SLC5A9: variants seen among roughly 807,000 people sequenced by gnomAD.
The protein encoded by SLC5A9 is solute carrier family 5 member 9, also known as sodium/glucose cotransporter 4.
Under a neutral mutation model 70.9 loss-of-function variants are expected in SLC5A9, and 59 were observed. The ratio of observed to expected loss-of-function variants is 0.83; its 90% CI spans 0.68 to 1.03. SLC5A9 has a LOEUF of 1.03. Among genes scored for constraint, SLC5A9 ranks in the 50% least tolerant of loss-of-function variants. SLC5A9 has a pLI of 0.00. For missense variants in SLC5A9, 832 were observed against 881.1 expected, an observed-to-expected ratio of 0.94 and a Z score of 0.71; for synonymous variants, 340 against 346.5, an observed-to-expected ratio of 0.98 and a Z score of 0.21.
chr1:48,237,567 T>G, intron 10 of SLC5A9, 112 bp from the exon 11 acceptor site: 1 of 1,023,970 alleles, frequency 9.8e-7, no homozygotes. Flanking sequence ...TCTGATCTAG[T>G]GATTGTACAT....
chr1:48,232,144 C>T lies in SLC5A9; in HGVS notation c.890C>T (p.Thr297Ile). 2 of 1,610,926 alleles carry T rather than the reference C, an allele frequency of 1.2e-6. No homozygotes were observed. Among genetic ancestry groups the T allele is most frequent in the Non-Finnish European group, 1.7e-6 (2 of 1,177,860 alleles). The change falls in exon 7 of 14, where the codon ACA (threonine) becomes ATA (isoleucine). Residue 297 changes from threonine to isoleucine, a missense_variant. Physicochemically the swap from Thr to Ile is moderately conservative, Grantham distance 89. Coordinates refer to ENST00000438567, the MANE Select transcript of SLC5A9 (RefSeq NM_001011547.3). ...LTVLATWCWC[T>I]DQVIVQRSLS... ...GTGCTGGCCACCTGGTGTTGGTGCA[C>T]AGACCAGGTAATCCCCCAGCCAGGC...
At chr1:48,235,707 C>T (rs373291957) in intron 9 of SLC5A9, 22 bp from the exon 10 acceptor site, 89 of 1,613,884 alleles carry the variant, frequency 5.5e-5, no homozygotes, top group African/African-American at 2.7e-5. Context: ...CAGCCGTTCA[C>T]ATGAGCCTCG....
At chr1:48,231,690 A>G in intron 6 of SLC5A9, 65 bp downstream of exon 6, 1 of 1,585,272 alleles carries the variant, frequency 6.3e-7, no homozygotes, top group Middle Eastern at 1.7e-4. Flanking sequence ...TGTCTCTGCC[A>G]CCTCCACAGT....
intron 12 of SLC5A9, 198 bp from the exon 13 acceptor site, chr1:48,242,259 T>C (rs1569863305): frequency 1.6e-6 from 1 of 608,398 alleles, no homozygotes. Flanking sequence ...GTAGAGCACC[T>C]GGTGTAGAGC....
intron 5 of SLC5A9, among the ~76,000 whole-genome samples, chr1:48,231,122 T>C (rs1273003707): frequency 6.6e-6 from 1 of 151,968 alleles, no homozygotes; most frequent in African/African-American, 2.4e-5. Flanking sequence ...TGCACAGGGC[T>C]GGGCACCCTG....
Position 48,237,802 on chromosome 1 carries a change from C to T in SLC5A9, c.1416C>T (p.Thr472=), listed in dbSNP as rs141985089. ...CCAGTTACCTGGCCCCACCCATCACCGCTCTCTTCCTGCTGGCCATCTTCT... is the reference window on the plus strand; with the variant it reads ...CCAGTTACCTGGCCCCACCCATCACTGCTCTCTTCCTGCTGGCCATCTTCT... ...AVTSYLAPPI[T]ALFLLAIFCK... is the part of the protein sequence containing the mutation. The change falls in exon 11 of 14, where the codon ACC becomes ACT. Residue 472 remains threonine (T), a synonymous_variant. Transcript: ENST00000438567. 57 of 1,614,130 alleles carry T rather than the reference C, an allele frequency of 3.5e-5. No individual in the cohort carries two copies. Among genetic ancestry groups the T allele is most frequent in the Middle Eastern group, 1.6e-4 (1 of 6,062 alleles).
In SLC5A9 at chr1:48,224,757, G is replaced by T; in HGVS notation, c.196G>T (p.Gly66Cys). Residue 66 changes from glycine (G) to cysteine (C), a missense_variant, in exon 2 of 14, where the codon GGC (glycine) becomes TGC (cysteine). Transcript: ENST00000438567. ...SIRASRGTIGGYFLAGRSMSW... is the reference protein window; with the variant it reads ...SIRASRGTIGCYFLAGRSMSW... ...CCGTGCAAGTCGAGGGACCATTGGC[G>T]GCTATTTCCTGGCCGGGAGGTCCAT... The T allele has an allele frequency of 1.2e-6, 2 of 1,614,084 alleles. No individual in the cohort carries two copies. The highest frequency in any genetic ancestry group is 1.7e-6 in the Non-Finnish European group (2 of 1,180,006).
intron 6 of SLC5A9, 96 bp from the exon 7 acceptor site, chr1:48,231,850 T>G (rs1644252435): frequency 6.3e-7 from 1 of 1,576,992 alleles, no homozygotes; most frequent in African/African-American, 1.3e-5. Flanking sequence ...CCCATGCCAG[T>G]TCCAACCTGA....
rs756388074 is a variant in SLC5A9 at position 48,239,333 on chromosome 1, G to A, written c.1473G>A (p.Trp491Ter). ...CKRVTEPGAF[W>*]GLVFGLGVGL... ...GCCCTCTCTCACAGGGAGCTTTCTG[G>A]GGCCTCGTGTTTGGCCTGGGAGTGG... The change falls in exon 12 of 14, where the codon TGG becomes TGA. Residue 491 changes from tryptophan to a stop codon, truncating the protein, a stop_gained. Transcript: ENST00000438567. LOFTEE classifies it high-confidence loss of function. The surrounding 1 kb of genome is among the most constrained non-coding windows in gnomAD (Gnocchi z 4.2). 1 of 1,610,062 alleles carries A rather than the reference G, an allele frequency of 6.2e-7. No homozygotes were observed. The highest frequency in any genetic ancestry group is 1.1e-5 in the South Asian group (1 of 90,798).
At position 48,239,477 on chromosome 1, in the gene SLC5A9, G is replaced by A; in HGVS notation, c.1617G>A (p.Gly539=). 4.3e-6 allele frequency: 7 copies of A among 1,614,172 alleles called. No individual in the cohort carries two copies. Among genetic ancestry groups the A allele is most frequent in the Non-Finnish European group, 5.9e-6 (7 of 1,180,030 alleles). ...HYLYFAILLC[G]LTAIVIVIVS... ...TGTACTTTGCAATCCTCCTCTGCGG[G>A]CTCACTGCCATCGTCATTGTCATTG... Residue 539 remains glycine (G), a synonymous_variant, in exon 12 of 14, where the codon GGG becomes GGA. Transcript: ENST00000438567. This position sits in a 1 kb window ranked among gnomAD's most constrained non-coding sequence, Gnocchi z 4.2.
Position 48,244,206 on chromosome 1 carries a change from C to A in SLC5A9, c.1837+1590C>A, listed in dbSNP as rs149777219. Among the ~76,000 whole-genome samples the A allele has an allele frequency of 2.3e-4, 35 of 152,240 alleles. No individual in the cohort carries two copies. The East Asian group carries it at 5.0e-3, about 22-fold the overall frequency. On this transcript the variant is annotated intron_variant, in intron 13 of 13. Coordinates refer to ENST00000438567, the MANE Select transcript of SLC5A9 (RefSeq NM_001011547.3). ...AGCTGCTTTCTCTCATTGGATTGGCCATAGCTCTAGTTTTATACCAGCCTC... is the reference window on the plus strand; with the variant it reads ...AGCTGCTTTCTCTCATTGGATTGGCAATAGCTCTAGTTTTATACCAGCCTC...
chr1:48,243,703 G>A (rs760095402), intron 13 of SLC5A9, among the ~76,000 whole-genome samples: 8 of 151,434 alleles, frequency 5.3e-5, no homozygotes, highest in Admixed American at 2.6e-4. Flanking sequence ...ACCTGCACAC[G>A]TATCCCTGAA....
chr1:48,234,969 G>A (rs1644306845), intron 9 of SLC5A9, among the ~76,000 whole-genome samples: 1 of 152,146 alleles, frequency 6.6e-6, no homozygotes, highest in Non-Finnish European at 1.5e-5. Context: ...GACACTTCAA[G>A]GGAGAGAGGG....
At chr1:48,227,522 A>AGT (rs745978927) in intron 2 of SLC5A9, among the ~76,000 whole-genome samples, 3 of 116,660 alleles carry the variant, frequency 2.6e-5, no homozygotes, top group African/African-American at 7.0e-5. Context: ...TAATTGCATG[A>AGT]GTGTGTGTGT....
chr1:48,231,979 AGCAGCGG>A lies in SLC5A9; in HGVS notation c.726_732del (p.Glu242AspfsTer31). On this transcript the variant is annotated frameshift_variant, in exon 7 of 14. Transcript: ENST00000438567. LOFTEE classifies it high-confidence loss of function. ...GACGTGGGCTGGTACCCAGGCCTGGAGCAGCGGTACAGGCAGGCCATCCCTAATGTCA... is the reference window on the plus strand; with the variant it reads ...GACGTGGGCTGGTACCCAGGCCTGGATACAGGCAGGCCATCCCTAATGTCA... 1 of 1,614,078 alleles carries A rather than the reference AGCAGCGG, an allele frequency of 6.2e-7. No individual in the cohort carries two copies.
intron 13 of SLC5A9, among the ~76,000 whole-genome samples, chr1:48,245,683 C>T (rs1404445430): frequency 2.0e-5 from 3 of 152,206 alleles, no homozygotes; most frequent in Non-Finnish European, 2.9e-5. Flanking sequence ...TTAAAGGAGG[C>T]TGGCACAGTG....
intron 9 of SLC5A9, among the ~76,000 whole-genome samples, chr1:48,234,927 G>C (rs891582553): frequency 6.6e-6 from 1 of 152,170 alleles, no homozygotes. Context: ...ATGGGCACCT[G>C]AGTTTGGAGC....
At chr1:48,244,228 C>T (rs1003150903) in intron 13 of SLC5A9, among the ~76,000 whole-genome samples, 3 of 152,204 alleles carry the variant, frequency 2.0e-5, no homozygotes, top group Non-Finnish European at 1.5e-5. Context: ...TTTATACCAG[C>T]CTCTTGTGTG....
chr1:48,244,878 G>GTATGTGTA (rs1553132215), intron 13 of SLC5A9, among the ~76,000 whole-genome samples: 1 of 29,418 alleles, frequency 3.4e-5, no homozygotes, highest in African/African-American at 8.4e-5. Context: ...ATGTGTATGT[G>GTATGTGTA]TATATATATA....
Sources: gnomAD v4.1 joint callset for allele counts (sites outside exome capture counted in the v4.1 genomes callset) on GRCh38, gnomAD v4.1.1 for gene constraint, Gnocchi (gnomAD v3.1) non-coding constraint, MANE v1.5 for transcripts, NCBI Gene and HGNC (gene_info 2026-07-23, HGNC 2026-07-21) for gene names.